The following PIK3C2G variants were observed in gnomAD, a reference collection of about 807,000 sequenced individuals.
PIK3C2G encodes the protein phosphatidylinositol 3-kinase C2 domain-containing subunit gamma.
In PIK3C2G, 168 loss-of-function variants were observed where a neutral mutation model predicts 181.1. The observed-to-expected ratio is 0.93, with a 90% CI of 0.82 to 1.05. The LOEUF is 1.05. Among genes scored for constraint, PIK3C2G ranks in the 50% least tolerant of loss-of-function variants. PIK3C2G has a pLI of 0.00. For missense variants in PIK3C2G, 1,869 were observed against 1,732.8 expected (o/e 1.08, Z -1.40); for synonymous variants, 573 against 592.2 (o/e 0.97, Z 0.47).
chr12:18,276,309 T>C (rs1948983916), intron 1 of PIK3C2G, among the ~76,000 whole-genome samples: 1 of 152,188 alleles, frequency 6.6e-6, no homozygotes, highest in South Asian at 2.1e-4. Flanking sequence ...CCAAAGTTGT[T>C]ATGTGAAAAT....
intron 18 of PIK3C2G, among the ~76,000 whole-genome samples, chr12:18,468,518 T>A (rs1279005833): frequency 6.6e-6 from 1 of 152,076 alleles, no homozygotes; most frequent in East Asian, 1.9e-4. Flanking sequence ...TTCTTGAATA[T>A]CCTTATATTC....
intron 29 of PIK3C2G, among the ~76,000 whole-genome samples, chr12:18,591,484 G>C (rs1592663344): frequency 6.6e-6 from 1 of 151,802 alleles, no homozygotes; most frequent in African/African-American, 2.4e-5. Context: ...CAAACCCTGG[G>C]CAAATGGGTG....
rs916652960 is a variant in PIK3C2G, at chr12:18,552,747, A to C, written c.3590+6315A>C. Among the ~76,000 whole-genome samples, 36 of 152,112 alleles carry C rather than the reference A, an allele frequency of 2.4e-4. 1 individual carries two copies. Among genetic ancestry groups the C allele is most frequent in the Admixed American group, 5.2e-4 (8 of 15,248 alleles). ...ATAATATCTGTACTTCCTAAGTTGC[A>C]CGGCCCAGTCACATTCATTATGATG... On this transcript the variant is annotated intron_variant, in intron 26 of 32. Transcript: ENST00000538779.
At chr12:18,448,911 A>C (rs1428086221) in intron 18 of PIK3C2G, among the ~76,000 whole-genome samples, 3 of 151,740 alleles carry the variant, frequency 2.0e-5, no homozygotes, top group Non-Finnish European at 2.9e-5. Context: ...AGTTGTTTTT[A>C]TTTCTTGGCT....
At chr12:18,550,434 T>A (rs183253650) in intron 26 of PIK3C2G, among the ~76,000 whole-genome samples, 56 of 152,138 alleles carry the variant, frequency 3.7e-4, no homozygotes, top group African/African-American at 1.1e-3. Context: ...TTTGTGTAAA[T>A]AATATTGCTA....
chr12:18,247,772 A>T (rs1177628147), exon 1 of PIK3C2G: 2 of 152,314 alleles, frequency 1.3e-5, no homozygotes, highest in African/African-American at 4.8e-5. Context: ...TCTAGTCCTT[A>T]GTTCCTGCCA....
intron 26 of PIK3C2G, among the ~76,000 whole-genome samples, chr12:18,553,921 A>G (rs1944865424): frequency 6.6e-6 from 1 of 152,088 alleles, no homozygotes; most frequent in Admixed American, 6.6e-5. Flanking sequence ...TTTAATTTCC[A>G]AAGACTTTTC....
intron 26 of PIK3C2G, among the ~76,000 whole-genome samples, chr12:18,562,422 G>A (rs574910495): frequency 6.2e-4 from 95 of 152,276 alleles, no homozygotes; most frequent in Non-Finnish European, 1.1e-3. Context: ...GTGAGCCACC[G>A]CGCCGGGCCA....
the PIK3C2G span, among the ~76,000 whole-genome samples, chr12:18,675,912 A>G: frequency 1.3e-5 from 2 of 152,088 alleles, no homozygotes; most frequent in Non-Finnish European, 2.9e-5. Flanking sequence ...CTTTTTGGGT[A>G]CAATGTTAAC....
chr12:18,457,750 TAGTAG>T (rs1459373942), intron 18 of PIK3C2G, among the ~76,000 whole-genome samples: 2 of 152,168 alleles, frequency 1.3e-5, no homozygotes, highest in African/African-American at 4.8e-5. Context: ...GTGATAGCCA[TAGTAG>T]AGTAAACTGC....
chr12:18,287,248 A>G (rs902136208), intron 3 of PIK3C2G, among the ~76,000 whole-genome samples: 2 of 151,950 alleles, frequency 1.3e-5, no homozygotes, highest in Non-Finnish European at 2.9e-5. Flanking sequence ...GTAAGTGACT[A>G]ACTCCTCTGG....
At position 18,318,814 on chromosome 12, in the gene PIK3C2G, G is replaced by C. The variant is rs564146238; in HGVS notation, c.1138-2148G>C. On this transcript the variant is annotated intron_variant, in intron 6 of 32. Coordinates refer to ENST00000538779, the MANE Select transcript of PIK3C2G (RefSeq NM_001288772.2). Reference sequence around the variant, plus strand: ...TTGTTCTAAAAAAAAAAAAAAGCAGGCCAGGAGCAGTGGCTTAGGCCTCTA... The same window carrying C: ...TTGTTCTAAAAAAAAAAAAAAGCAGCCCAGGAGCAGTGGCTTAGGCCTCTA... Among the ~76,000 whole-genome samples the C allele has an allele frequency of 1.3e-4, 19 of 150,518 alleles. No homozygotes were observed. The South Asian group carries it at 3.8e-3, about 30-fold the overall frequency.
At chr12:18,244,653 T>C (rs1432529165), upstream of PIK3C2G, among the ~76,000 whole-genome samples, 1 of 120,816 alleles carries the variant, frequency 8.3e-6, no homozygotes, top group Non-Finnish European at 1.8e-5. Context: ...CATTATTTAA[T>C]CAGGTATGTC....
intron 21 of PIK3C2G, 49 bp downstream of exon 21, chr12:18,496,203 CG>C (rs1940998971): frequency 9.7e-7 from 1 of 1,029,554 alleles, no homozygotes; most frequent in African/African-American, 1.7e-5. Flanking sequence ...ACAGAACTAT[CG>C]ATTTATTACT....
intron 31 of PIK3C2G, among the ~76,000 whole-genome samples, chr12:18,615,330 G>GGTGTGTGTGTGT (rs3055216): frequency 1.1e-3 from 150 of 138,208 alleles, no homozygotes; most frequent in African/African-American, 4.0e-3. Flanking sequence ...AGTATTCCAC[G>GGTGTGTGTGTGT]GTGTGTGTGT....
chr12:18,389,046 A>G (rs1943365773), intron 14 of PIK3C2G, among the ~76,000 whole-genome samples: 1 of 152,182 alleles, frequency 6.6e-6, no homozygotes, highest in Admixed American at 6.5e-5. Context: ...GATCTCCTGA[A>G]GCGTTCCTTT....
chr12:18,454,645 C>T (rs1044427512), intron 18 of PIK3C2G, among the ~76,000 whole-genome samples: 9 of 152,102 alleles, frequency 5.9e-5, no homozygotes, highest in African/African-American at 2.2e-4. Flanking sequence ...AAGGCAAAAG[C>T]AGAAAAGTCA....
intron 31 of PIK3C2G, among the ~76,000 whole-genome samples, chr12:18,624,844 T>A (rs1305533219): frequency 6.6e-6 from 1 of 151,728 alleles, no homozygotes; most frequent in Non-Finnish European, 1.5e-5. Context: ...TGTAATAGTC[T>A]CTTGTGATCT....
In PIK3C2G at chr12:18,561,624, A is replaced by G. The variant is rs116243448; in HGVS notation, c.3591-1079A>G. ...AAAAGGGAACGAACAGTATGAAAAA[A>G]GAAGCTATTAGCTGATTTCAATATT... On this transcript the variant is annotated intron_variant, in intron 26 of 32. Coordinates refer to ENST00000538779, the MANE Select transcript of PIK3C2G (RefSeq NM_001288772.2). 3.9e-3 allele frequency among the ~76,000 whole-genome samples: 588 copies of G among 152,318 alleles called. 5 individuals carry two copies. The highest frequency in any genetic ancestry group is 0.014 in the African/African-American group (565 of 41,572).
Sources: gnomAD v4.1 joint callset for allele counts (sites outside exome capture counted in the v4.1 genomes callset) on GRCh38, gnomAD v4.1.1 for gene constraint, MANE v1.5 for transcripts, NCBI Gene and HGNC (gene_info 2026-07-23, HGNC 2026-07-21) for gene names.